The following MTRR variants were observed in gnomAD, a reference collection of about 807,000 sequenced individuals.
The protein encoded by MTRR is methionine synthase reductase.
Under a neutral mutation model 79.2 loss-of-function variants are expected in MTRR, and 63 were observed. That is an observed-to-expected ratio of 0.80 (90% CI 0.65 to 0.98). The LOEUF (loss-of-function observed/expected upper bound fraction) is 0.98. Ranked by LOEUF, MTRR falls within the 50% of genes least tolerant of loss-of-function variation. The pLI is 0.00. For missense variants in MTRR, 895 were observed against 839.6 expected, an observed-to-expected ratio of 1.07 and a Z score of -0.82; for synonymous variants, 355 against 313.3, an observed-to-expected ratio of 1.13 and a Z score of -1.41.
chr5:7,878,323 G>C lies in MTRR; in HGVS notation c.780+1G>C. On this transcript the variant is annotated splice_donor_variant, in intron 5 of 14. Transcript: ENST00000440940. LOFTEE classifies it high-confidence loss of function. ...ACATCTGCAGGAGTCTCTTGGCCAG[G>C]TAAGGAAGTTTTTCTTTATGCTATA... 1 of 1,614,124 alleles carries C rather than the reference G, an allele frequency of 6.2e-7. No individual in the cohort carries two copies. Among genetic ancestry groups the C allele is most frequent in the Non-Finnish European group, 8.5e-7 (1 of 1,180,006 alleles).
chr5:7,851,686 T>TGTA (rs2126569439), intron 1 of MTRR: 1 of 152,248 alleles, frequency 6.6e-6, no homozygotes, highest in South Asian at 2.1e-4. Context: ...CCAGTGCAGG[T>TGTA]GTAAGGCTGC....
At chr5:7,886,434 G>T in intron 7 of MTRR, 181 bp from the exon 8 acceptor site, 1 of 586,246 alleles carries the variant, frequency 1.7e-6, no homozygotes, top group Non-Finnish European at 3.0e-6. Context: ...TTTTTGTAAG[G>T]TGGAGTTTTT....
intron 5 of MTRR, among the ~76,000 whole-genome samples, chr5:7,882,952 T>G (rs1735805336): frequency 6.6e-6 from 1 of 152,238 alleles, no homozygotes; most frequent in Non-Finnish European, 1.5e-5. Context: ...TTCTAATGTC[T>G]AATAGATAAA....
At chr5:7,867,058 T>C (rs748203371), upstream of MTRR, 38 of 1,614,178 alleles carry the variant, frequency 2.4e-5, no homozygotes, top group South Asian at 2.1e-4. Flanking sequence ...GCCCAAAATA[T>C]ATGAACGCCT....
intron 9 of MTRR, chr5:7,890,151 G>A (rs2126777939): frequency 3.4e-6 from 2 of 586,572 alleles, no homozygotes; most frequent in Non-Finnish European, 4.3e-6. Flanking sequence ...ACACCAAAAT[G>A]TATATTGTCC....
chr5:7,886,249 A>G (rs1212627320), intron 7 of MTRR, among the ~76,000 whole-genome samples: 1 of 152,048 alleles, frequency 6.6e-6, no homozygotes, highest in Non-Finnish European at 1.5e-5. Context: ...GAAGTTATTT[A>G]TTTTTCAAAA....
chr5:7,876,681 T>A (rs1011781939), intron 4 of MTRR, among the ~76,000 whole-genome samples: 2 of 152,232 alleles, frequency 1.3e-5, no homozygotes, highest in Non-Finnish European at 2.9e-5. Context: ...AAATCCTTGA[T>A]CCCCCACTTA....
intron 1 of MTRR, among the ~76,000 whole-genome samples, chr5:7,858,998 T>C (rs1299649727): frequency 6.6e-6 from 1 of 152,188 alleles, no homozygotes; most frequent in Non-Finnish European, 1.5e-5. Context: ...ATAATATTTA[T>C]ATCCAAAGCA....
At chr5:7,887,972 A>G (rs1432726405) in intron 8 of MTRR, among the ~76,000 whole-genome samples, 1 of 151,778 alleles carries the variant, frequency 6.6e-6, no homozygotes, top group Non-Finnish European at 1.5e-5. Context: ...TATCCATATT[A>G]TATGTGCTGT....
chr5:7,851,502 C>T (rs1746078406), exon 1 of MTRR: 2 of 154,476 alleles, frequency 1.3e-5, no homozygotes, highest in Non-Finnish European at 2.9e-5. Context: ...CGCGAAGAAG[C>T]CAAATGACTT....
chr5:7,873,628 C>G (rs1443555160), intron 3 of MTRR, 102 bp downstream of exon 3: 4 of 1,350,428 alleles, frequency 3.0e-6, no homozygotes, highest in Admixed American at 1.7e-5. Context: ...TAGGTTTTGT[C>G]TTTCTTATGT....
At chr5:7,890,243 TCTC>T (rs1737321998) in intron 9 of MTRR, 1 of 985,002 alleles carries the variant, frequency 1.0e-6, no homozygotes, top group Admixed American at 6.2e-5. Flanking sequence ...GGGCCTGATT[TCTC>T]CTCCTTTTTC....
chr5:7,896,856 C>T lies in MTRR; in HGVS notation c.1677-8C>T, dbSNP rs750976454. 257 of 1,589,950 alleles carry T rather than the reference C, an allele frequency of 1.6e-4. No homozygotes were observed. The highest frequency in any genetic ancestry group is 2.6e-4 in the Admixed American group (14 of 54,484). On this transcript the variant is annotated splice_region_variant and splice_polypyrimidine_tract_variant and intron_variant, in intron 12 of 14. Transcript: ENST00000440940. Reference sequence around the variant, plus strand: ...TCACACACCTAAACTTTTTTTTTTTCCACTTAGAGAGAAACTCCAAGAACA... The same window carrying T: ...TCACACACCTAAACTTTTTTTTTTTTCACTTAGAGAGAAACTCCAAGAACA...
At chr5:7,891,467 C>A in intron 10 of MTRR, 53 bp downstream of exon 10, 1 of 1,329,308 alleles carries the variant, frequency 7.5e-7, no homozygotes, top group Non-Finnish European at 1.0e-6. Context: ...AAATCTTAGA[C>A]TCAGGCTTCC....
intron 5 of MTRR, among the ~76,000 whole-genome samples, chr5:7,879,231 A>G (rs1363001059): frequency 6.6e-6 from 1 of 152,130 alleles, no homozygotes; most frequent in Non-Finnish European, 1.5e-5. Flanking sequence ...CTGGTTTGGG[A>G]ACAGACACAA....
intron 2 of MTRR, among the ~76,000 whole-genome samples, chr5:7,871,882 T>C (rs1473927414): frequency 2.0e-5 from 3 of 152,244 alleles, no homozygotes; most frequent in Non-Finnish European, 4.4e-5. Context: ...ATGAAGTATC[T>C]GAATCTGTTA....
At chr5:7,887,122 C>T (rs1001274808) in intron 8 of MTRR, among the ~76,000 whole-genome samples, 5 of 152,128 alleles carry the variant, frequency 3.3e-5, no homozygotes, top group Non-Finnish European at 5.9e-5. Flanking sequence ...TCCCCCCAAC[C>T]ACCACTTGCC....
intron 12 of MTRR, chr5:7,896,658 C>G (rs1449833514): frequency 4.9e-6 from 3 of 611,350 alleles, no homozygotes; most frequent in African/African-American, 3.7e-5. Context: ...GTAGCTGCCT[C>G]TCCACACACT....
chr5:7,855,647 G>T (rs1484503592), intron 1 of MTRR, among the ~76,000 whole-genome samples: 1 of 152,126 alleles, frequency 6.6e-6, no homozygotes. Context: ...GAGCCACTGA[G>T]CCAGCTTTTC....
Sources: gnomAD v4.1 joint callset for allele counts (sites outside exome capture counted in the v4.1 genomes callset) on GRCh38, gnomAD v4.1.1 for gene constraint, MANE v1.5 for transcripts, NCBI Gene and HGNC (gene_info 2026-07-23, HGNC 2026-07-21) for gene names.